Variants in GLIS3 observed in about 807,000 individuals in gnomAD.
The protein encoded by GLIS3 is zinc finger protein GLIS3.
Under a neutral mutation model 78.6 loss-of-function variants are expected in GLIS3, and 53 were observed. The observed-to-expected ratio is 0.67, with a 90% CI of 0.54 to 0.85. The LOEUF (loss-of-function observed/expected upper bound fraction) is 0.85. GLIS3 is among the 40% of genes least tolerant of loss of function. The pLI is 0.00. For synonymous variants in GLIS3, 684 were observed against 509.9 expected, an observed-to-expected ratio of 1.34 and a Z score of -4.60; for missense variants, 1,703 against 1,231.1, an observed-to-expected ratio of 1.38 and a Z score of -5.74.
chr9:3,983,168 G>C (rs548225246), intron 4 of GLIS3, among the ~76,000 whole-genome samples: 1 of 152,282 alleles, frequency 6.6e-6, no homozygotes, highest in East Asian at 1.9e-4. Flanking sequence ...TCTTGATAGT[G>C]AATGAGTCTC....
chr9:4,383,965 C>T, the GLIS3 span, among the ~76,000 whole-genome samples: 1 of 152,240 alleles, frequency 6.6e-6, no homozygotes, highest in Non-Finnish European at 1.5e-5. Context: ...TCAAGACTTA[C>T]AGCCTTAAAT....
intron 4 of GLIS3, among the ~76,000 whole-genome samples, chr9:3,996,085 T>G (rs1820726837): frequency 6.6e-6 from 1 of 152,012 alleles, no homozygotes; most frequent in Non-Finnish European, 1.5e-5. Context: ...ACAATTACAC[T>G]CAACAGCAAC....
chr9:3,975,643 A>G (rs941174507), intron 4 of GLIS3, among the ~76,000 whole-genome samples: 3 of 151,920 alleles, frequency 2.0e-5, no homozygotes, highest in African/African-American at 7.2e-5. Context: ...AAAATAGACT[A>G]GAAACCAGTA....
At chr9:4,236,395 A>C (rs1165403952) in intron 2 of GLIS3, among the ~76,000 whole-genome samples, 1 of 152,146 alleles carries the variant, frequency 6.6e-6, no homozygotes, top group African/African-American at 2.4e-5. Flanking sequence ...AGATTGCAAT[A>C]CTTAAGAATT....
At chr9:4,146,764 C>G (rs185613223) in intron 2 of GLIS3, among the ~76,000 whole-genome samples, 1 of 152,266 alleles carries the variant, frequency 6.6e-6, no homozygotes, top group Non-Finnish European at 1.5e-5. Context: ...GTCTTTAATG[C>G]AAGAATTAGC....
At chr9:4,129,600 G>A (rs147924075) in intron 2 of GLIS3, among the ~76,000 whole-genome samples, 48 of 152,048 alleles carry the variant, frequency 3.2e-4, no homozygotes, top group African/African-American at 7.7e-4. Flanking sequence ...TTTCCCCTTC[G>A]CCTTCCACCA....
At chr9:4,360,098 C>T in the GLIS3 span, among the ~76,000 whole-genome samples, 1 of 151,856 alleles carries the variant, frequency 6.6e-6, no homozygotes, top group Non-Finnish European at 1.5e-5. Context: ...CATCATTTCC[C>T]TTTGCTGTTT....
intron 4 of GLIS3, among the ~76,000 whole-genome samples, chr9:3,988,373 T>G (rs925445023): frequency 6.6e-6 from 1 of 152,170 alleles, no homozygotes; most frequent in Non-Finnish European, 1.5e-5. Flanking sequence ...TTTACTGTTA[T>G]GTTGATGACT....
At chr9:4,462,959 T>C in the GLIS3 span, among the ~76,000 whole-genome samples, 39 of 152,202 alleles carry the variant, frequency 2.6e-4, no homozygotes, top group African/African-American at 8.9e-4. Context: ...ACAGGAACAC[T>C]TTATGTAAAA....
At chr9:4,014,599 C>A (rs1822289114) in intron 4 of GLIS3, among the ~76,000 whole-genome samples, 1 of 152,150 alleles carries the variant, frequency 6.6e-6, no homozygotes, top group African/African-American at 2.4e-5. Context: ...TAGGAAGAGG[C>A]AAGGAAAGAT....
At chr9:4,425,698 C>A in the GLIS3 span, among the ~76,000 whole-genome samples, 1 of 152,206 alleles carries the variant, frequency 6.6e-6, no homozygotes. Flanking sequence ...GCTCCAGTTC[C>A]TGCTGACACC....
chr9:3,835,829 A>G (rs906872603), intron 9 of GLIS3, among the ~76,000 whole-genome samples: 20 of 152,364 alleles, frequency 1.3e-4, no homozygotes, highest in African/African-American at 4.6e-4. Context: ...TTACTTGACA[A>G]CTATTCACTA....
At chr9:3,978,271 T>C (rs1818947215) in intron 4 of GLIS3, among the ~76,000 whole-genome samples, 1 of 152,152 alleles carries the variant, frequency 6.6e-6, no homozygotes, top group Admixed American at 6.5e-5. Flanking sequence ...TTCCATTGAT[T>C]CTTGTTACAT....
At chr9:4,000,645 G>T (rs1821065673) in intron 4 of GLIS3, among the ~76,000 whole-genome samples, 1 of 152,154 alleles carries the variant, frequency 6.6e-6, no homozygotes, top group Non-Finnish European at 1.5e-5. Flanking sequence ...GCCCCCTGCT[G>T]CTTACAGGAC....
the GLIS3 span, among the ~76,000 whole-genome samples, chr9:4,401,667 A>C: frequency 6.6e-6 from 1 of 151,280 alleles, no homozygotes; most frequent in Non-Finnish European, 1.5e-5. Flanking sequence ...TCCTGGGTTC[A>C]AGCGATTCTC....
At chr9:4,411,627 A>C in the GLIS3 span, among the ~76,000 whole-genome samples, 4 of 152,172 alleles carry the variant, frequency 2.6e-5, no homozygotes, top group African/African-American at 9.6e-5. Flanking sequence ...TAATTTTTAG[A>C]AAATCCATAT....
the GLIS3 span, among the ~76,000 whole-genome samples, chr9:4,486,603 C>G: frequency 6.6e-6 from 1 of 152,192 alleles, no homozygotes; most frequent in Non-Finnish European, 1.5e-5. Context: ...ACGTTCAATA[C>G]ATTGGTATGC....
intron 6 of GLIS3, among the ~76,000 whole-genome samples, chr9:3,908,706 G>GTTTTTTTTTTTTTTTTTT (rs34789708): frequency 1.2e-4 from 10 of 85,560 alleles, no homozygotes; most frequent in African/African-American, 1.6e-4. Context: ...ATTTGTATTT[G>GTTTTTTTTTTTTTTTTTT]TTTTTTTTTT....
intron 2 of GLIS3, among the ~76,000 whole-genome samples, chr9:4,188,366 A>C (rs968665355): frequency 6.7e-6 from 1 of 148,900 alleles, no homozygotes; most frequent in Non-Finnish European, 1.5e-5. Flanking sequence ...ATGGTGGATA[A>C]GCTTTTTGAT....
Sources: gnomAD v4.1 joint callset for allele counts (sites outside exome capture counted in the v4.1 genomes callset) on GRCh38, gnomAD v4.1.1 for gene constraint, MANE v1.5 for transcripts, NCBI Gene and HGNC (gene_info 2026-07-23, HGNC 2026-07-21) for gene names.